Variants in LATS1 observed in about 807,000 individuals in gnomAD.
LATS1 encodes large tumor suppressor kinase 1.
LATS1 carries 25 observed loss-of-function variants against 106.6 expected under a neutral mutation model. The observed-to-expected ratio is 0.23, with a 90% CI of 0.17 to 0.33. The LOEUF (loss-of-function observed/expected upper bound fraction) is 0.33. Among genes scored for constraint, LATS1 ranks in the 10% least tolerant of loss-of-function variants. LATS1 has a pLI of 1.00. For missense variants in LATS1, 1,040 were observed against 1,382.6 expected (o/e 0.75, Z 3.93); for synonymous variants, 465 against 455.6 (o/e 1.02, Z -0.26).
rs746749873 is a variant in LATS1, at chr6:149,702,151, C to CA, written c.-26dup. 1.4e-5 allele frequency: 20 copies of CA among 1,449,428 alleles called. No homozygotes were observed. The highest frequency in any genetic ancestry group is 1.8e-5 in the Non-Finnish European group (19 of 1,058,146). The allele number at this position is 1,449,428 out of a possible 1,614,324, so 89.8% of individuals were successfully genotyped here. A position where few individuals can be genotyped will look rare whatever the true frequency, so the allele number is the denominator to read the frequency against. On this transcript the variant is annotated 5_prime_UTR_variant, in exon 2 of 8. Coordinates refer to ENST00000543571, the MANE Select transcript of LATS1 (RefSeq NM_004690.4). ...TGAAAACATCTATATATGTAGCCCA[C>CA]ACGAAGGACTTCTTTATTTGATAGA...
At chr6:149,688,132 C>T (rs964495835) in intron 3 of LATS1, among the ~76,000 whole-genome samples, 1 of 149,884 alleles carries the variant, frequency 6.7e-6, no homozygotes, top group East Asian at 2.0e-4. Flanking sequence ...GTCTTGGCCT[C>T]CCAAAGTGCT....
rs868263908 is a variant in LATS1, at chr6:149,659,336, C to T, written c.*2393G>A. 2 of 193,528 alleles carry T rather than the reference C, an allele frequency of 1.0e-5. No homozygotes were observed. Among genetic ancestry groups the T allele is most frequent in the South Asian group, 1.9e-4 (1 of 5,172 alleles). The allele number at this position is 193,528 out of a possible 1,614,324, so 12.0% of individuals were successfully genotyped here. On this transcript the variant is annotated 3_prime_UTR_variant, in exon 8 of 8. Transcript: ENST00000543571. ...TACAAAAATTAGCTGGGCTTGGTGGCGCATGCCCAGCTACTTGGGAGGCTG... is the reference window on the plus strand; with the variant it reads ...TACAAAAATTAGCTGGGCTTGGTGGTGCATGCCCAGCTACTTGGGAGGCTG...
In LATS1 at chr6:149,682,919, T is replaced by A. The variant is rs1782135462; in HGVS notation, c.2010+160A>T. 8.2e-6 allele frequency: 5 copies of A among 609,300 alleles called. No individual in the cohort carries two copies. The East Asian group carries it at 1.5e-4, about 18-fold the overall frequency. 37.7% of individuals were successfully genotyped at this position (609,300 alleles called of 1,614,324 possible). A position where few individuals can be genotyped will look rare whatever the true frequency, so the allele number is the denominator to read the frequency against. On this transcript the variant is annotated intron_variant, in intron 4 of 7. Coordinates refer to ENST00000543571, the MANE Select transcript of LATS1 (RefSeq NM_004690.4). Reference sequence around the variant, plus strand: ...GAAATACTAAAATAAAATGCTACAATCAAAAGTACTTTAATATTTATTCAC... The same window carrying A: ...GAAATACTAAAATAAAATGCTACAAACAAAAGTACTTTAATATTTATTCAC...
rs1780767910 is a variant in LATS1, at chr6:149,658,166, A to G, written c.*3563T>C. ...TTCCACACATAATTGAAAGATTTGA[A>G]TTTTTTTTATTATCCCAGCAAACAT... On this transcript the variant is annotated 3_prime_UTR_variant, in exon 8 of 8. Transcript: ENST00000543571. 1 of 152,098 alleles carries G rather than the reference A, an allele frequency of 6.6e-6. No individual in the cohort carries two copies. Among genetic ancestry groups the G allele is most frequent in the South Asian group, 2.1e-4 (1 of 4,830 alleles). The allele number at this position is 152,098 out of a possible 1,614,324, so 9.4% of individuals were successfully genotyped here.
At chr6:149,702,352 G>C (rs566325043) in intron 1 of LATS1, 86 bp from the exon 2 acceptor site, 4 of 413,956 alleles carry the variant, frequency 9.7e-6, no homozygotes, top group Non-Finnish European at 1.7e-5. Context: ...TGATATAGGG[G>C]TTAAGAGATT....
chr6:149,687,444 A>C (rs1319843699), intron 3 of LATS1, among the ~76,000 whole-genome samples: 2 of 148,098 alleles, frequency 1.4e-5, no homozygotes, highest in African/African-American at 5.0e-5. Context: ...TCTTATTTTT[A>C]TTCTTTTGAG....
At position 149,676,356 on chromosome 6, in the gene LATS1, C is replaced by T. The variant is rs1319667860; in HGVS notation, c.2787G>A (p.Gln929=). 3.1e-6 allele frequency: 5 copies of T among 1,603,674 alleles called. No individual in the cohort carries two copies. Among genetic ancestry groups the T allele is most frequent in the Non-Finnish European group, 4.3e-6 (5 of 1,171,680 alleles). Residue 929 remains glutamine, a synonymous_variant, in exon 7 of 8, where the codon CAG becomes CAA. Transcript: ENST00000543571. Reference sequence around the variant, plus strand: ...CACCAACACTCCACCAATCACACAACTGTGTGTATCCTAAAATAACAAAGT... The same window carrying T: ...CACCAACACTCCACCAATCACACAATTGTGTGTATCCTAAAATAACAAAGT... ...PEVLLRTGYT[Q]LCDWWSVGVI...
At chr6:149,686,677 T>G (rs1347973447) in intron 3 of LATS1, among the ~76,000 whole-genome samples, 1 of 152,238 alleles carries the variant, frequency 6.6e-6, no homozygotes, top group African/African-American at 2.4e-5. Context: ...CAGGTTGATA[T>G]TATTCCTTTT....
At chr6:149,689,265 G>C (rs914525635) in intron 3 of LATS1, among the ~76,000 whole-genome samples, 1 of 152,118 alleles carries the variant, frequency 6.6e-6, no homozygotes, top group Non-Finnish European at 1.5e-5. Flanking sequence ...TAAATGAAGG[G>C]GGAAAGTGGT....
chr6:149,706,682 G>A (rs1178672402), intron 1 of LATS1, among the ~76,000 whole-genome samples: 1 of 152,130 alleles, frequency 6.6e-6, no homozygotes, highest in East Asian at 1.9e-4. Context: ...GAGGCAGAAG[G>A]AGGTCTGATT....
intron 7 of LATS1, among the ~76,000 whole-genome samples, chr6:149,670,189 A>AG (rs1554230092): frequency 3.9e-5 from 4 of 102,462 alleles, no homozygotes; most frequent in Non-Finnish European, 5.1e-5. Flanking sequence ...AAAAAAAAAA[A>AG]AAAAGAAAAG....
intron 7 of LATS1, among the ~76,000 whole-genome samples, chr6:149,666,911 T>G (rs1781182028): frequency 7.3e-6 from 1 of 136,320 alleles, no homozygotes; most frequent in Admixed American, 7.8e-5. Flanking sequence ...GCCACTGCAC[T>G]CCAGCCTGGG....
chr6:149,675,220 A>C (rs1781654710), intron 7 of LATS1, among the ~76,000 whole-genome samples: 1 of 151,568 alleles, frequency 6.6e-6, no homozygotes, highest in African/African-American at 2.4e-5. Flanking sequence ...TGTATCAAAA[A>C]AAAAAAAAAA....
At chr6:149,695,702 C>T (rs1398435551) in intron 2 of LATS1, among the ~76,000 whole-genome samples, 1 of 148,454 alleles carries the variant, frequency 6.7e-6, no homozygotes, top group Non-Finnish European at 1.5e-5. Context: ...AGAAAGAAAA[C>T]AAAACCCTCA....
intron 3 of LATS1, among the ~76,000 whole-genome samples, chr6:149,685,914 T>C (rs1221120218): frequency 6.6e-6 from 1 of 152,016 alleles, no homozygotes; most frequent in East Asian, 1.9e-4. Flanking sequence ...ATATATACAT[T>C]CTAGAAAGAC....
At chr6:149,666,461 CA>C (rs199622439) in intron 7 of LATS1, among the ~76,000 whole-genome samples, 1,953 of 151,066 alleles carry the variant, frequency 0.013, 53 homozygotes, top group African/African-American at 0.045. Flanking sequence ...ACTAAAAACA[CA>C]AAAAAATTAC....
At position 149,661,678 on chromosome 6, in the gene LATS1, T is replaced by G. The variant is rs1461002241; in HGVS notation, c.*51A>C. Reference sequence around the variant, plus strand: ...TTTACTCTCAGAACCTCAAAACACCTCGCATTTCAGGCCCTTTTACAAATC... The same window carrying G: ...TTTACTCTCAGAACCTCAAAACACCGCGCATTTCAGGCCCTTTTACAAATC... On this transcript the variant is annotated 3_prime_UTR_variant, in exon 8 of 8. Coordinates refer to ENST00000543571, the MANE Select transcript of LATS1 (RefSeq NM_004690.4). 2 of 1,475,796 alleles carry G rather than the reference T, an allele frequency of 1.4e-6. No homozygotes were observed. Among genetic ancestry groups the G allele is most frequent in the African/African-American group, 2.8e-5 (2 of 70,922 alleles). 91.4% of individuals were successfully genotyped at this position (1,475,796 alleles called of 1,614,324 possible).
At position 149,684,379 on chromosome 6, in the gene LATS1, G is replaced by C. The variant is rs56149740; in HGVS notation, c.710C>G (p.Pro237Arg). Reference protein sequence around the residue: ...HPSNGQRVNPPPPPQVRSVTP... With the variant: ...HPSNGQRVNPRPPPQVRSVTP... ...AACACTCCTTACTTGAGGTGGTGGT[G>C]GGGGGTTCACTCTCTGTCCGTTGCT... Residue 237 changes from proline (P) to arginine (R), a missense_variant, in exon 4 of 8, where the codon CCA (proline) becomes CGA (arginine). Pro to Arg is a moderately radical substitution (Grantham distance 103, BLOSUM62 -2). This residue lies in a region of LATS1 where 624 missense variants were observed against 714.8 expected (regional missense o/e 0.87). Transcript: ENST00000543571. 4 of 1,613,882 alleles carry C rather than the reference G, an allele frequency of 2.5e-6. No homozygotes were observed. The highest frequency in any genetic ancestry group is 3.4e-6 in the Non-Finnish European group (4 of 1,179,904).
chr6:149,662,135 A>T lies in LATS1; in HGVS notation c.2987T>A (p.Leu996Ter). 6.2e-7 allele frequency: 1 copy of T among 1,614,148 alleles called. No homozygotes were observed. The change falls in exon 8 of 8, where the codon TTA becomes TAA. Residue 996 changes from leucine (L) to a stop codon, truncating the protein, a stop_gained. Transcript: ENST00000543571. LOFTEE classifies it high-confidence loss of function. The part of the protein sequence containing the change: ...IKLCRGPEDR[L>*]GKNGADEIKA... The stretch of plus-strand genomic sequence containing the variant: ...TATTTCATCAGCACCATTCTTGCCT[A>T]AGCGATCTTCGGGTCCTCGGCAAAG...
Sources: gnomAD v4.1 joint callset for allele counts (sites outside exome capture counted in the v4.1 genomes callset) on GRCh38, gnomAD v4.1.1 for gene constraint, gnomAD v4.1.1 regional missense constraint, MANE v1.5 for transcripts, NCBI Gene and HGNC (gene_info 2026-07-23, HGNC 2026-07-21) for gene names.